Variants in ITGAX observed in about 807,000 individuals in gnomAD.
ITGAX encodes integrin subunit alpha X, also known as integrin alpha-X.
In ITGAX, 99 loss-of-function variants were observed where a neutral mutation model predicts 140.2. The observed-to-expected ratio is 0.71, with a 90% CI of 0.60 to 0.83. The LOEUF (loss-of-function observed/expected upper bound fraction) is 0.83. ITGAX is among the 40% of genes least tolerant of loss of function. The pLI, the probability that ITGAX is intolerant of heterozygous loss-of-function variation, is 0.00. For synonymous variants in ITGAX, 631 were observed against 600.4 expected (o/e 1.05, Z -0.75); for missense variants, 1,444 against 1,482.0 (o/e 0.97, Z 0.42).
chr16:31,359,053 C>A (rs1298978856), intron 5 of ITGAX, among the ~76,000 whole-genome samples: 1 of 152,068 alleles, frequency 6.6e-6, no homozygotes, highest in Non-Finnish European at 1.5e-5. Context: ...ATCCTGGGCT[C>A]AAGCAATTCT....
intron 14 of ITGAX, among the ~76,000 whole-genome samples, chr16:31,365,855 G>A (rs1017881190): frequency 1.3e-5 from 2 of 152,224 alleles, no homozygotes; most frequent in African/African-American, 2.4e-5. Context: ...CCCAGGAATC[G>A]GAGGTTGCAG....
At chr16:31,360,859 C>T in intron 8 of ITGAX, 1 of 570,760 alleles carries the variant, frequency 1.8e-6, no homozygotes, top group East Asian at 3.1e-5. Context: ...GCTCTTACTG[C>T]CTTAAGGATG....
chr16:31,380,458 G>T lies in ITGAX; in HGVS notation c.3175-65G>T, dbSNP rs150814039. 1.3e-3 allele frequency: 2,022 copies of T among 1,612,136 alleles called. 14 individuals carry two copies. The highest frequency in any genetic ancestry group is 9.5e-3 in the African/African-American group (709 of 75,008). On this transcript the variant is annotated intron_variant, in intron 27 of 29. Transcript: ENST00000268296. Reference sequence around the variant, plus strand: ...TGTCTGTGCCCATCTGCAAGCCAGGGCACCCCCAGAGCTCTGAGCCTCCCC... The same window carrying T: ...TGTCTGTGCCCATCTGCAAGCCAGGTCACCCCCAGAGCTCTGAGCCTCCCC...
At chr16:31,362,799 T>A in intron 12 of ITGAX, 46 bp downstream of exon 12, 3 of 1,605,030 alleles carry the variant, frequency 1.9e-6, no homozygotes, top group Non-Finnish European at 2.6e-6. Flanking sequence ...GTAGGGGAGG[T>A]GGCTGGGGCA....
intron 23 of ITGAX, 43 bp from the exon 24 acceptor site, chr16:31,379,524 GC>G: frequency 6.5e-7 from 1 of 1,534,598 alleles, no homozygotes; most frequent in Non-Finnish European, 8.8e-7. Flanking sequence ...TTCTGCAGAT[GC>G]CCCATGGTAG....
intron 14 of ITGAX, among the ~76,000 whole-genome samples, chr16:31,364,240 T>A (rs895173755): frequency 6.6e-6 from 1 of 151,484 alleles, no homozygotes; most frequent in African/African-American, 2.4e-5. Flanking sequence ...CTGGGCAACA[T>A]AGGGAGACCC....
intron 28 of ITGAX, 101 bp downstream of exon 28, chr16:31,380,725 G>T (rs993061822): frequency 4.8e-6 from 7 of 1,471,476 alleles, no homozygotes; most frequent in African/African-American, 4.2e-5. Context: ...GGGGAGGAGG[G>T]CGAAGGCCTC....
At chr16:31,377,893 G>A (rs11574645) in intron 23 of ITGAX, among the ~76,000 whole-genome samples, 1 of 152,220 alleles carries the variant, frequency 6.6e-6, no homozygotes, top group African/African-American at 2.4e-5. Context: ...GGATCAGCCT[G>A]GGCAATATAG....
At chr16:31,370,996 T>C (rs1229941275) in intron 14 of ITGAX, 88 bp from the exon 15 acceptor site, 27 of 1,551,712 alleles carry the variant, frequency 1.7e-5, no homozygotes, top group Non-Finnish European at 2.4e-5. Context: ...CCCTTTCCGA[T>C]GGTCCTACCT....
At chr16:31,379,695 C>A in intron 24 of ITGAX, 49 bp downstream of exon 24, 4 of 1,580,752 alleles carry the variant, frequency 2.5e-6, no homozygotes, top group Non-Finnish European at 2.6e-6. Context: ...AGGCTGGGAG[C>A]CGGAGACTGG....
In ITGAX at chr16:31,363,116, G is replaced by A. The variant is rs201179603; in HGVS notation, c.1500+41G>A. On this transcript the variant is annotated intron_variant, in intron 13 of 29. Transcript: ENST00000268296. Reference sequence around the variant, plus strand: ...GCCTGGGGTGGGTGGGGTCTGGTGTGGGTGGAGGGGTTGCCCGGGTTGGGC... The same window carrying A: ...GCCTGGGGTGGGTGGGGTCTGGTGTAGGTGGAGGGGTTGCCCGGGTTGGGC... 708 of 1,605,958 alleles carry A rather than the reference G, an allele frequency of 4.4e-4. 4 individuals carry two copies. The African/African-American group carries it at 6.2e-3, about 14-fold the overall frequency.
chr16:31,377,320 A>AG (rs565010317), intron 23 of ITGAX, 55 bp downstream of exon 23: 3 of 706,026 alleles, frequency 4.2e-6, no homozygotes, highest in African/African-American at 4.5e-5. Flanking sequence ...CCTCAAAAAG[A>AG]AAAAAAAAAA....
At chr16:31,373,413 A>G in intron 20 of ITGAX, 23 bp downstream of exon 20, 1 of 1,603,846 alleles carries the variant, frequency 6.2e-7, no homozygotes, top group East Asian at 2.2e-5. Flanking sequence ...GGGAAGGAGG[A>G]GGAGGCAGGG....
chr16:31,382,472 C>G lies in ITGAX; in HGVS notation c.*565C>G. 3 of 1,527,598 alleles carry G rather than the reference C, an allele frequency of 2.0e-6. No individual in the cohort carries two copies. The highest frequency in any genetic ancestry group is 2.4e-5 in the East Asian group (1 of 40,880). 94.6% of individuals were successfully genotyped at this position (1,527,598 alleles called of 1,614,324 possible). A position where few individuals can be genotyped will look rare whatever the true frequency, so the allele number is the denominator to read the frequency against. On this transcript the variant is annotated 3_prime_UTR_variant, in exon 30 of 30. Transcript: ENST00000268296. ...ATCCCCACCTGTCTTCAACAGCTCCCCATTACCCTCAGGACAATGTCTGAA... is the reference window on the plus strand; with the variant it reads ...ATCCCCACCTGTCTTCAACAGCTCCGCATTACCCTCAGGACAATGTCTGAA...
intron 19 of ITGAX, 148 bp from the exon 20 acceptor site, chr16:31,373,101 A>AAAGAAG (rs146920512): frequency 4.1e-4 from 198 of 480,288 alleles, no homozygotes; most frequent in South Asian, 6.2e-4. Flanking sequence ...TCTTAAAAAA[A>AAAGAAG]AAGAAGAAGA....
chr16:31,369,236 G>A (rs986701036), intron 14 of ITGAX, among the ~76,000 whole-genome samples: 3 of 148,208 alleles, frequency 2.0e-5, no homozygotes, highest in African/African-American at 7.5e-5. Flanking sequence ...CGGGCGGGGG[G>A]CTGACCCCCC....
rs771474273 is a variant in ITGAX, at chr16:31,359,758, C to T, written c.489C>T (p.Ser163=). ...TGATCGATGGCTCAGGCAGCATCTC[C>T]TCCCGCAACTTTGCCACGATGATGA... ...VFLIDGSGSI[S]SRNFATMMNF... is the part of the protein sequence containing the mutation. Residue 163 remains serine, a synonymous_variant, in exon 6 of 30, where the codon TCC becomes TCT. Coordinates refer to ENST00000268296, the MANE Select transcript of ITGAX (RefSeq NM_000887.5). 6.2e-7 allele frequency: 1 copy of T among 1,614,054 alleles called. No individual in the cohort carries two copies. The highest frequency in any genetic ancestry group is 1.3e-5 in the African/African-American group (1 of 74,938).
chr16:31,371,188 G>A lies in ITGAX; in HGVS notation c.1815G>A (p.Gly605=), dbSNP rs761189728. ...TQDGLVDLAV[G]ARGQVLLLRT... ...ATGGACTGGTGGACCTGGCTGTGGGGGCCCGGGGCCAGGTGCTCCTGCTCA... is the reference window on the plus strand; with the variant it reads ...ATGGACTGGTGGACCTGGCTGTGGGAGCCCGGGGCCAGGTGCTCCTGCTCA... The change falls in exon 15 of 30, where the codon GGG becomes GGA. Residue 605 remains glycine, a synonymous_variant. Transcript: ENST00000268296. 2 of 1,610,910 alleles carry A rather than the reference G, an allele frequency of 1.2e-6. No individual in the cohort carries two copies. Among genetic ancestry groups the A allele is most frequent in the Non-Finnish European group, 1.7e-6 (2 of 1,178,616 alleles).
intron 9 of ITGAX, 164 bp from the exon 10 acceptor site, chr16:31,361,672 G>T: frequency 1.2e-6 from 1 of 822,800 alleles, no homozygotes; most frequent in East Asian, 2.4e-5. Context: ...AGCAGAGGGG[G>T]GCCCCGAAGT....
Sources: allele counts gnomAD v4.1 joint callset (sites outside exome capture counted in the v4.1 genomes callset), GRCh38; gene constraint gnomAD v4.1.1; transcripts MANE v1.5; gene names NCBI Gene and HGNC (gene_info 2026-07-23, HGNC 2026-07-21).